The following UGT2B17 variants were observed in gnomAD, a reference collection of about 807,000 sequenced individuals.
UGT2B17 encodes the protein UDP-glucuronosyltransferase 2B17.
In UGT2B17, 21 loss-of-function variants were observed where a neutral mutation model predicts 48.2. The observed-to-expected ratio is 0.44, with a 90% CI of 0.31 to 0.63. UGT2B17 has a LOEUF of 0.63. Ranked by LOEUF, UGT2B17 falls within the 20% of genes least tolerant of loss-of-function variation. The pLI, the probability that UGT2B17 is intolerant of heterozygous loss-of-function variation, is 0.08. For synonymous variants in UGT2B17, 146 were observed against 238.4 expected (o/e 0.61, Z 3.57); for missense variants, 402 against 696.1 (o/e 0.58, Z 4.75).
At position 68,549,084 on chromosome 4, in the gene UGT2B17, C is replaced by G. The variant is rs1049124822; in HGVS notation, c.1313+1593G>C. Among the ~76,000 whole-genome samples the G allele has an allele frequency of 6.4e-5, 8 of 124,336 alleles. 2 individuals are homozygous for G. The highest frequency in any genetic ancestry group is 1.2e-4 in the Non-Finnish European group (7 of 59,052). The allele number at this position is 124,336 out of a possible 152,430, so 81.6% of individuals were successfully genotyped here. On this transcript the variant is annotated intron_variant, in intron 6 of 6. Transcript: ENST00000317746. ...TTGTTTTCTAACCTGTTTTCTGTTT[C>G]TTTGCTTTTTTACTTTATTTGAAGT...
chr4:68,547,988 C>T (rs1228840169), intron 6 of UGT2B17, among the ~76,000 whole-genome samples: 1 of 126,476 alleles, frequency 7.9e-6, no homozygotes, highest in Admixed American at 8.0e-5. Flanking sequence ...GGACTGTAAA[C>T]TAGTTCAACC....
rs187851522 is a variant in UGT2B17 at position 68,563,094 on chromosome 4, G to A, written c.874-2426C>T. On this transcript the variant is annotated intron_variant, in intron 3 of 6. Transcript: ENST00000317746. ...TGATTTATTCTCTGTACAGTTTCAT[G>A]TGAATATATTACAAAGGCAATAACT... Among the ~76,000 whole-genome samples the A allele has an allele frequency of 3.3e-4, 42 of 126,814 alleles. 10 individuals carry two copies. The highest frequency in any genetic ancestry group is 2.5e-3 in the Admixed American group (31 of 12,380). 83.2% of individuals were successfully genotyped at this position (126,814 alleles called of 152,430 possible).
At position 68,556,780 on chromosome 4, in the gene UGT2B17, G is replaced by T. The variant is rs1250534626; in HGVS notation, c.1005+3757C>A. 2.4e-5 allele frequency among the ~76,000 whole-genome samples: 3 copies of T among 125,264 alleles called. 1 individual carries two copies. The highest frequency in any genetic ancestry group is 5.1e-5 in the Non-Finnish European group (3 of 58,990). The allele number at this position is 125,264 out of a possible 152,430, so 82.2% of individuals were successfully genotyped here. A position where few individuals can be genotyped will look rare whatever the true frequency, so the allele number is the denominator to read the frequency against. On this transcript the variant is annotated intron_variant, in intron 4 of 6. Transcript: ENST00000317746. ...CTGTTTTATTAGGGCTTATTGTTTG[G>T]CAAATTGAGTCTCCTCTCTCAAAGA... is the stretch of plus-strand genomic sequence containing the variant.
chr4:68,556,096 T>C (rs1430261866), intron 4 of UGT2B17, among the ~76,000 whole-genome samples: 1 of 122,744 alleles, frequency 8.1e-6, no homozygotes. Context: ...TAAGTCACAA[T>C]AAGAAGATTA....
In UGT2B17 at chr4:68,563,980, A is replaced by G. The variant is rs183100972; in HGVS notation, c.873+1592T>C. 7.0e-4 allele frequency among the ~76,000 whole-genome samples: 87 copies of G among 124,920 alleles called. 20 individuals carry two copies. Among genetic ancestry groups the G allele is most frequent in the Non-Finnish European group, 1.3e-3 (75 of 59,338 alleles). 82.0% of individuals were successfully genotyped at this position (124,920 alleles called of 152,430 possible). On this transcript the variant is annotated intron_variant, in intron 3 of 6. Coordinates refer to ENST00000317746, the MANE Select transcript of UGT2B17 (RefSeq NM_001077.4). ...AAATAATAATCATAATATCAACAAT[A>G]TTTTTGGATCACTGGCTATGTGTCA...
At position 68,565,714 on chromosome 4, in the gene UGT2B17, G is replaced by A. The variant is rs1248471917; in HGVS notation, c.731C>T (p.Pro244Leu). The change falls in exon 3 of 7, where the codon CCC becomes CTC. Residue 244 changes from proline to leucine, a missense_variant. Physicochemically the swap from Pro to Leu is moderately conservative, Grantham distance 98 (BLOSUM62 -3). Around this residue, in one of 5 missense-constraint regions of UGT2B17, gnomAD observed 106 missense variants for 169.8 expected, o/e 0.62. Coordinates refer to ENST00000317746, the MANE Select transcript of UGT2B17 (RefSeq NM_001077.4). ...CCCCATTGTCTCAAATAATGTAGTG[G>A]GTCTTCCTGATGGAAAAAAACAAAA... ...DQFYSEVLGRPTTLFETMGKA... is the reference protein window; with the variant it reads ...DQFYSEVLGRLTTLFETMGKA... 1 of 1,331,716 alleles carries A rather than the reference G, an allele frequency of 7.5e-7. No homozygotes were observed. Among genetic ancestry groups the A allele is most frequent in the African/African-American group, 1.5e-5 (1 of 65,370 alleles). 82.5% of individuals were successfully genotyped at this position (1,331,716 alleles called of 1,614,324 possible).
chr4:68,553,811 G>T (rs1402460880), intron 4 of UGT2B17, among the ~76,000 whole-genome samples: 1 of 119,788 alleles, frequency 8.3e-6, no homozygotes, highest in Non-Finnish European at 1.7e-5. Flanking sequence ...ATCTCATTTG[G>T]CTTGTCTGTG....
At chr4:68,564,709 G>A (rs1162721191) in intron 3 of UGT2B17, among the ~76,000 whole-genome samples, 4 of 122,962 alleles carry the variant, frequency 3.3e-5, no homozygotes, top group Non-Finnish European at 5.1e-5. Flanking sequence ...TTGTTTATTT[G>A]TTTGTTTTTG....
rs1270472625 is a variant in UGT2B17, at chr4:68,546,634, T to C, written c.1313+4043A>G. Among the ~76,000 whole-genome samples, 2 of 125,628 alleles carry C rather than the reference T, an allele frequency of 1.6e-5. 1 individual carries two copies. The highest frequency in any genetic ancestry group is 3.4e-5 in the Non-Finnish European group (2 of 59,376). 82.4% of individuals were successfully genotyped at this position (125,628 alleles called of 152,430 possible). A position where few individuals can be genotyped will look rare whatever the true frequency, so the allele number is the denominator to read the frequency against. On this transcript the variant is annotated intron_variant, in intron 6 of 6. Transcript: ENST00000317746. ...TCAATTAGGAAAAGAGGAAGTCAAA[T>C]TGTCCCTGTTTGCAGAAGACATGAT...
rs2109760834 is a variant in UGT2B17 at position 68,544,538 on chromosome 4, A to G, written c.1313+6139T>C. On this transcript the variant is annotated intron_variant, in intron 6 of 6. Coordinates refer to ENST00000317746, the MANE Select transcript of UGT2B17 (RefSeq NM_001077.4). ...AGGCTAGGAAAAAACGGCATCAACT[A>G]TCGAGCAAAACAATCAGCTAACATC... is the stretch of plus-strand genomic sequence containing the variant. Among the ~76,000 whole-genome samples the G allele has an allele frequency of 5.6e-5, 7 of 125,818 alleles. 3 individuals are homozygous for G. The allele number at this position is 125,818 out of a possible 152,430, so 82.5% of individuals were successfully genotyped here.
In UGT2B17 at chr4:68,567,999, A is replaced by G. The variant is rs1453105817; in HGVS notation, c.486T>C (p.Ala162=). The G allele has an allele frequency of 7.2e-7, 1 of 1,382,486 alleles. No individual in the cohort carries two copies. The highest frequency in any genetic ancestry group is 1.5e-5 in the African/African-American group (1 of 67,898). 85.6% of individuals were successfully genotyped at this position (1,382,486 alleles called of 1,614,324 possible). The change falls in exon 2 of 7, where the codon GCT becomes GCC. Residue 162 remains alanine (A), a synonymous_variant. Coordinates refer to ENST00000317746, the MANE Select transcript of UGT2B17 (RefSeq NM_001077.4). ...ACAGAAAGGGTATGTTAAGTAGCTC[A>G]GCCAGCAGCTCACCACAGGGATTAA... ...DAVNPCGELL[A]ELLNIPFLYS...
chr4:68,554,055 AG>A (rs1283122966), intron 4 of UGT2B17, among the ~76,000 whole-genome samples: 1 of 125,010 alleles, frequency 8.0e-6, no homozygotes. Context: ...AACACATATG[AG>A]GGCAGATCAC....
At chr4:68,565,045 G>A (rs139375025) in intron 3 of UGT2B17, among the ~76,000 whole-genome samples, 4 of 125,480 alleles carry the variant, frequency 3.2e-5, no homozygotes, top group African/African-American at 1.1e-4. Flanking sequence ...TCCCCTCATC[G>A]TTTCACCTAT....
chr4:68,549,346 T>TAAA (rs397766650), intron 6 of UGT2B17, among the ~76,000 whole-genome samples: 10 of 99,748 alleles, frequency 1.0e-4, no homozygotes, highest in Non-Finnish European at 1.2e-4. Flanking sequence ...CTCCAAAAAG[T>TAAA]AAAAAAAAAA....
rs1271515443 is a variant in UGT2B17, at chr4:68,547,624, C to T, written c.1313+3053G>A. Among the ~76,000 whole-genome samples, 3 of 126,206 alleles carry T rather than the reference C, an allele frequency of 2.4e-5. 1 individual carries two copies. The highest frequency in any genetic ancestry group is 5.0e-5 in the Non-Finnish European group (3 of 59,556). 82.8% of individuals were successfully genotyped at this position (126,206 alleles called of 152,430 possible). A position where few individuals can be genotyped will look rare whatever the true frequency, so the allele number is the denominator to read the frequency against. On this transcript the variant is annotated intron_variant, in intron 6 of 6. Transcript: ENST00000317746. ...TCTGCACAGCAAAGGAAACTACCAT[C>T]AGATTGAACAGGCAACCTACAGAAT...
At chr4:68,543,012 G>A (rs755736443) in intron 6 of UGT2B17, among the ~76,000 whole-genome samples, 1 of 126,562 alleles carries the variant, frequency 7.9e-6, no homozygotes, top group Non-Finnish European at 1.7e-5. Context: ...CCACCTCTGG[G>A]GGCAGGGCAT....
At position 68,568,025 on chromosome 4, in the gene UGT2B17, C is replaced by G. The variant is rs200806791; in HGVS notation, c.460G>C (p.Val154Leu). The change falls in exon 2 of 7, where the codon GTT (valine) becomes CTT (leucine). Residue 154 changes from valine to leucine, a missense_variant. Val to Leu is a conservative substitution (Grantham distance 32). Coordinates refer to ENST00000317746, the MANE Select transcript of UGT2B17 (RefSeq NM_001077.4). ...GCCAGCAGCTCACCACAGGGATTAA[C>G]GGCATCTGCCAGAAGGACATCAAAT... is the stretch of plus-strand genomic sequence containing the variant. ...SKFDVLLADA[V>L]NPCGELLAEL... is the part of the protein sequence containing the mutation. 8.7e-6 allele frequency: 12 copies of G among 1,382,410 alleles called. 5 individuals carry two copies. The highest frequency in any genetic ancestry group is 1.1e-5 in the Non-Finnish European group (12 of 1,055,446). 85.6% of individuals were successfully genotyped at this position (1,382,410 alleles called of 1,614,324 possible).
In UGT2B17 at chr4:68,567,927, T is replaced by C. The variant is rs1344123214; in HGVS notation, c.558A>G (p.Gly186=). ...SVGYTVEKNG[G]GFLFPPSYVP... ...CATAGGAAGGAGGGAACAGAAATCC[T>C]CCACCATTCTTCTCAACTGTGTAGC... Residue 186 remains glycine, a synonymous_variant, in exon 2 of 7, where the codon GGA becomes GGG. Coordinates refer to ENST00000317746, the MANE Select transcript of UGT2B17 (RefSeq NM_001077.4). The C allele has an allele frequency of 2.9e-6, 4 of 1,379,814 alleles. 1 individual carries two copies. The African/African-American group carries it at 5.9e-5, about 20-fold the overall frequency. The allele number at this position is 1,379,814 out of a possible 1,614,324, so 85.5% of individuals were successfully genotyped here.
rs180943856 is a variant in UGT2B17 at position 68,551,449 on chromosome 4, G to T, written c.1093+375C>A. Among the ~76,000 whole-genome samples the T allele has an allele frequency of 2.6e-3, 324 of 124,552 alleles. 58 individuals carry two copies. The highest frequency in any genetic ancestry group is 8.5e-3 in the African/African-American group (313 of 36,694). The allele number at this position is 124,552 out of a possible 152,430, so 81.7% of individuals were successfully genotyped here. A position where few individuals can be genotyped will look rare whatever the true frequency, so the allele number is the denominator to read the frequency against. On this transcript the variant is annotated intron_variant, in intron 5 of 6. Transcript: ENST00000317746. ...TATTCCCACAGAAAATAGAGTCACT[G>T]GTAATAGAAGAATGTCTGTTATTTT... is the stretch of plus-strand genomic sequence containing the variant.
Sources: gnomAD v4.1 joint callset for allele counts (sites outside exome capture counted in the v4.1 genomes callset) on GRCh38, gnomAD v4.1.1 for gene constraint, gnomAD v4.1.1 regional missense constraint, MANE v1.5 for transcripts, NCBI Gene and HGNC (gene_info 2026-07-23, HGNC 2026-07-21) for gene names.